The following EFCAB3 variants were observed in gnomAD, a reference collection of about 807,000 sequenced individuals.
The protein encoded by EFCAB3 is EF-hand calcium binding domain 3.
A neutral mutation model predicts 42.2 loss-of-function variants in EFCAB3; 36 were observed. That is an observed-to-expected ratio of 0.85 (90% CI 0.65 to 1.13). The LOEUF (loss-of-function observed/expected upper bound fraction) is 1.13. EFCAB3 is among the 50% of genes most tolerant of loss of function. EFCAB3 has a pLI of 0.00. For synonymous variants in EFCAB3, 170 were observed against 172.8 expected (o/e 0.98, Z 0.13); for missense variants, 418 against 505.1 (o/e 0.83, Z 1.65).
At chr17:62,399,056 A>G (rs1167499709) in intron 6 of EFCAB3, among the ~76,000 whole-genome samples, 2 of 151,964 alleles carry the variant, frequency 1.3e-5, no homozygotes, top group Non-Finnish European at 2.9e-5. Context: ...CCTACTCACA[A>G]CACTCCCTGT....
At chr17:62,413,897 A>G (rs2070521871) in intron 9 of EFCAB3, 43 bp downstream of exon 9, 1 of 1,589,210 alleles carries the variant, frequency 6.3e-7, no homozygotes, top group Non-Finnish European at 8.6e-7. Flanking sequence ...ATCACTGACA[A>G]AAATATTGTC....
chr17:62,398,519 A>T (rs1245520554), intron 6 of EFCAB3, among the ~76,000 whole-genome samples: 1 of 150,660 alleles, frequency 6.6e-6, no homozygotes, highest in Non-Finnish European at 1.5e-5. Flanking sequence ...AAAAACAAAA[A>T]ATTAGCCACC....
upstream of EFCAB3, among the ~76,000 whole-genome samples, chr17:62,379,801 C>A (rs2070180953): frequency 6.6e-6 from 1 of 152,124 alleles, no homozygotes; most frequent in Admixed American, 6.6e-5. Context: ...TCATGAATAC[C>A]TTGGTTTCTG....
At position 62,406,628 on chromosome 17, in the gene EFCAB3, A is replaced by G; in HGVS notation, c.637A>G (p.Ile213Val). 1.9e-6 allele frequency: 3 copies of G among 1,614,160 alleles called. No homozygotes were observed. The highest frequency in any genetic ancestry group is 1.7e-6 in the Non-Finnish European group (2 of 1,180,010). ...CTTTGCTAATGCTGCCCGGATTGCAATAATGAAAGAAAAGGATTTATTTAA... is the reference window on the plus strand; with the variant it reads ...CTTTGCTAATGCTGCCCGGATTGCAGTAATGAAAGAAAAGGATTTATTTAA... ...AAFANAARIA[I>V]MKEKDLFKFL... Residue 213 changes from isoleucine to valine, a missense_variant, in exon 7 of 10, where the codon ATA becomes GTA. Coordinates refer to ENST00000305286, the MANE Select transcript of EFCAB3 (RefSeq NM_173503.4).
In EFCAB3 at chr17:62,416,121, C is replaced by T. The variant is rs115800066; in HGVS notation, c.1109C>T (p.Ser370Phe). The change falls in exon 10 of 10, where the codon TCC (serine) becomes TTC (phenylalanine). Residue 370 changes from serine (S) to phenylalanine (F), a missense_variant. Physicochemically the swap from Ser to Phe is radical, Grantham distance 155 (BLOSUM62 -2). Transcript: ENST00000305286. ...ATTGGGATGGACTCTAGAAATGAGT[C>T]CTTTTATGACACCTTTTCTACTTAT... ...DLIGMDSRNE[S>F]FYDTFSTYTW... 9.4e-4 allele frequency: 1,512 copies of T among 1,613,954 alleles called. 16 individuals are homozygous for T. In the African/African-American group the frequency reaches 0.018, roughly 19 times the overall value.
upstream of EFCAB3, among the ~76,000 whole-genome samples, chr17:62,376,336 G>A (rs1003971146): frequency 3.3e-5 from 5 of 151,994 alleles, no homozygotes; most frequent in African/African-American, 1.2e-4. Flanking sequence ...GCCAGGCTTG[G>A]TGGCACACTC....
chr17:62,381,463 T>C (rs1391591972), intron 1 of EFCAB3, among the ~76,000 whole-genome samples: 1 of 152,010 alleles, frequency 6.6e-6, no homozygotes, highest in African/African-American at 2.4e-5. Flanking sequence ...CAGCTTCTGG[T>C]CCATAAGCCC....
intron 6 of EFCAB3, among the ~76,000 whole-genome samples, chr17:62,404,299 C>A (rs2144102739): frequency 6.6e-6 from 1 of 152,306 alleles, no homozygotes; most frequent in South Asian, 2.1e-4. Context: ...CCCAGAAGTT[C>A]AAGACCTGCC....
At chr17:62,401,753 G>C (rs1291025945) in intron 6 of EFCAB3, among the ~76,000 whole-genome samples, 1 of 152,148 alleles carries the variant, frequency 6.6e-6, no homozygotes, top group East Asian at 1.9e-4. Context: ...TTTTGCTTAG[G>C]ATTGTCATGG....
At position 62,384,430 on chromosome 17, in the gene EFCAB3, A is replaced by G. The variant is rs182574950; in HGVS notation, c.74+1377A>G. The stretch of plus-strand genomic sequence containing the variant: ...GCGGGTGGATCACTTGAGCCTAGGA[A>G]TTTGAGACCAGCCTCTACCAAAAAA... On this transcript the variant is annotated intron_variant, in intron 2 of 9. Transcript: ENST00000305286. Among the ~76,000 whole-genome samples, 197 of 152,106 alleles carry G rather than the reference A, an allele frequency of 1.3e-3. 2 individuals carry two copies. Among genetic ancestry groups the G allele is most frequent in the African/African-American group, 4.6e-3 (191 of 41,524 alleles).
intron 4 of EFCAB3, 23 bp from the exon 5 acceptor site, chr17:62,393,550 T>C (rs1240054882): frequency 6.3e-7 from 1 of 1,589,268 alleles, no homozygotes; most frequent in Non-Finnish European, 8.6e-7. Context: ...ATCCTTGTCC[T>C]GAGTCTCAGA....
rs556761730 is a variant in EFCAB3 at position 62,398,905 on chromosome 17, T to C, written c.488+3717T>C. ...TGGTAGAATTTGATAGGTATTCACA[T>C]AGTTGACACCGTTTATTGAATATGT... On this transcript the variant is annotated intron_variant, in intron 6 of 9. Coordinates refer to ENST00000305286, the MANE Select transcript of EFCAB3 (RefSeq NM_173503.4). 3.9e-5 allele frequency among the ~76,000 whole-genome samples: 6 copies of C among 152,330 alleles called. No individual in the cohort carries two copies. The East Asian group carries it at 5.8e-4, about 15-fold the overall frequency.
intron 6 of EFCAB3, among the ~76,000 whole-genome samples, chr17:62,404,055 C>T (rs868216235): frequency 6.6e-6 from 1 of 152,122 alleles, no homozygotes; most frequent in Non-Finnish European, 1.5e-5. Flanking sequence ...AACAGTTTCC[C>T]CCTTTGTGAG....
In EFCAB3 at chr17:62,401,399, T is replaced by C. The variant is rs538410787; in HGVS notation, c.489-5081T>C. ...CCTGAATGGTATTGCCTAGGTTTTC[T>C]TCTAGGGTTTTTATGGTTTTAGGTC... On this transcript the variant is annotated intron_variant, in intron 6 of 9. Transcript: ENST00000305286. Among the ~76,000 whole-genome samples, 5 of 152,360 alleles carry C rather than the reference T, an allele frequency of 3.3e-5. No homozygotes were observed. The East Asian group carries it at 9.6e-4, about 29-fold the overall frequency.
intron 3 of EFCAB3, among the ~76,000 whole-genome samples, chr17:62,388,988 G>GT (rs1325026844): frequency 6.6e-6 from 1 of 152,208 alleles, no homozygotes; most frequent in Non-Finnish European, 1.5e-5. Flanking sequence ...CACAAAGGAA[G>GT]TTTTTCATAC....
upstream of EFCAB3, chr17:62,378,167 C>T (rs2144050412): frequency 1.6e-6 from 1 of 636,736 alleles, no homozygotes; most frequent in Non-Finnish European, 2.6e-6. Context: ...ACACCGTTAT[C>T]TCTCCAACTT....
chr17:62,375,729 C>G (rs968687995), upstream of EFCAB3, among the ~76,000 whole-genome samples: 1 of 152,174 alleles, frequency 6.6e-6, no homozygotes. Context: ...GTAACATAAA[C>G]GAGTCACCCA....
chr17:62,378,427 C>T (rs2070167257), upstream of EFCAB3, among the ~76,000 whole-genome samples: 2 of 152,180 alleles, frequency 1.3e-5, no homozygotes, highest in South Asian at 4.1e-4. Flanking sequence ...ACCTGGAGCA[C>T]TGGCTCACAC....
At chr17:62,414,568 G>GTTT (rs1324824757) in intron 9 of EFCAB3, among the ~76,000 whole-genome samples, 1 of 124,876 alleles carries the variant, frequency 8.0e-6, no homozygotes, top group East Asian at 2.5e-4. Flanking sequence ...TATCTCAGGT[G>GTTT]TTTGTTTGTT....
Sources: gnomAD v4.1 joint callset for allele counts (sites outside exome capture counted in the v4.1 genomes callset) on GRCh38, gnomAD v4.1.1 for gene constraint, MANE v1.5 for transcripts, NCBI Gene and HGNC (gene_info 2026-07-23, HGNC 2026-07-21) for gene names.